Variants in WWTR1 observed in about 807,000 individuals in gnomAD.
WWTR1 encodes the protein WW domain containing transcription regulator 1.
In WWTR1, 13 loss-of-function variants were observed where a neutral mutation model predicts 40.1. The ratio of observed to expected loss-of-function variants is 0.32; its 90% confidence interval spans 0.21 to 0.52. The LOEUF is 0.52. Among genes scored for constraint, WWTR1 ranks in the 20% least tolerant of loss-of-function variants. The probability of loss-of-function intolerance (pLI) is 0.97; values close to 1 mark genes in which losing one functional copy is unlikely to be tolerated. For synonymous variants in WWTR1, 230 were observed against 210.1 expected, an observed-to-expected ratio of 1.09 and a Z score of -0.82; for missense variants, 436 against 523.1, an observed-to-expected ratio of 0.83 and a Z score of 1.63.
chr3:149,665,334 T>A (rs1713773404), intron 2 of WWTR1, among the ~76,000 whole-genome samples: 2 of 151,290 alleles, frequency 1.3e-5, no homozygotes, highest in Non-Finnish European at 2.9e-5. Context: ...CAAGCCATTC[T>A]CCTGCCTCAG....
chr3:149,613,296 C>A (rs1256709746), intron 2 of WWTR1, among the ~76,000 whole-genome samples: 2 of 152,092 alleles, frequency 1.3e-5, no homozygotes, highest in African/African-American at 4.8e-5. Context: ...GAACTATGGC[C>A]AATTATCCTC....
At chr3:149,654,566 G>A (rs1055207935) in intron 2 of WWTR1, among the ~76,000 whole-genome samples, 3 of 152,202 alleles carry the variant, frequency 2.0e-5, no homozygotes, top group African/African-American at 2.4e-5. Context: ...GATGGGCAGA[G>A]AGATCACAGC....
chr3:149,574,648 G>A (rs934041375), intron 2 of WWTR1, among the ~76,000 whole-genome samples: 2 of 152,062 alleles, frequency 1.3e-5, no homozygotes, highest in African/African-American at 2.4e-5. Context: ...TTTTCAGTCT[G>A]TCTCCTCATT....
At chr3:149,641,220 G>T (rs1454949832) in intron 2 of WWTR1, among the ~76,000 whole-genome samples, 2 of 152,148 alleles carry the variant, frequency 1.3e-5, no homozygotes, top group Admixed American at 6.5e-5. Flanking sequence ...TTCAGCTGAA[G>T]CAACTCTATG....
upstream of WWTR1, among the ~76,000 whole-genome samples, chr3:149,662,787 A>T (rs1188167380): frequency 6.6e-6 from 1 of 152,160 alleles, no homozygotes; most frequent in East Asian, 1.9e-4. Flanking sequence ...TAGCTTTCTG[A>T]CCCTGGTTCT....
intron 2 of WWTR1, among the ~76,000 whole-genome samples, chr3:149,618,715 G>C (rs1740121662): frequency 6.6e-6 from 1 of 152,210 alleles, no homozygotes; most frequent in Admixed American, 6.5e-5. Context: ...GCAGAGTCGA[G>C]ACTTGAACAC....
intron 2 of WWTR1, among the ~76,000 whole-genome samples, chr3:149,636,396 G>C (rs561198669): frequency 6.6e-6 from 1 of 152,294 alleles, no homozygotes; most frequent in Admixed American, 6.5e-5. Flanking sequence ...AGGCAAGGAG[G>C]GGGTAGTAAA....
chr3:149,572,646 G>A (rs928755976), intron 3 of WWTR1, among the ~76,000 whole-genome samples: 1 of 151,844 alleles, frequency 6.6e-6, no homozygotes, highest in South Asian at 2.1e-4. Context: ...TATGAGCCCC[G>A]CCACCCCTTG....
At chr3:149,628,166 C>A (rs1740665538) in intron 2 of WWTR1, among the ~76,000 whole-genome samples, 1 of 151,462 alleles carries the variant, frequency 6.6e-6, no homozygotes, top group South Asian at 2.1e-4. Flanking sequence ...GTCAGGCAAT[C>A]GAGACCATCT....
chr3:149,547,130 G>C (rs1224246933), intron 3 of WWTR1, among the ~76,000 whole-genome samples: 1 of 151,372 alleles, frequency 6.6e-6, no homozygotes, highest in African/African-American at 2.4e-5. Context: ...GTCCTCAGCA[G>C]AGCATGGGAA....
intron 1 of WWTR1, among the ~76,000 whole-genome samples, chr3:149,671,896 G>A (rs1714100073): frequency 6.6e-6 from 1 of 151,992 alleles, no homozygotes; most frequent in African/African-American, 2.4e-5. Flanking sequence ...ATAACAAATA[G>A]GTCCAGCATG....
chr3:149,660,870 A>G (rs1278495750), upstream of WWTR1, among the ~76,000 whole-genome samples: 1 of 152,238 alleles, frequency 6.6e-6, no homozygotes, highest in Non-Finnish European at 1.5e-5. Context: ...CCTAAGTCAC[A>G]GTTTACTCAT....
chr3:149,702,085 C>T (rs975376285), intron 1 of WWTR1: 1 of 163,968 alleles, frequency 6.1e-6, no homozygotes, highest in African/African-American at 2.4e-5. Flanking sequence ...AAAGACAGCC[C>T]AGGCAAGCAG....
upstream of WWTR1, among the ~76,000 whole-genome samples, chr3:149,707,431 T>C (rs1041468169): frequency 6.6e-6 from 1 of 152,182 alleles, no homozygotes; most frequent in African/African-American, 2.4e-5. Context: ...ATCTAACCAG[T>C]TTCTCCTCTG....
chr3:149,542,912 A>G (rs1736188231), intron 3 of WWTR1, among the ~76,000 whole-genome samples: 1 of 152,156 alleles, frequency 6.6e-6, no homozygotes, highest in South Asian at 2.1e-4. Context: ...GTGCATGTGT[A>G]TACTTTCTCA....
intron 2 of WWTR1, among the ~76,000 whole-genome samples, chr3:149,634,584 T>C (rs774399127): frequency 6.6e-6 from 1 of 152,124 alleles, no homozygotes; most frequent in Non-Finnish European, 1.5e-5. Context: ...AACAGAGCAA[T>C]GCCTATTCCC....
At chr3:149,585,699 T>C (rs539551898) in intron 2 of WWTR1, among the ~76,000 whole-genome samples, 8 of 152,264 alleles carry the variant, frequency 5.3e-5, no homozygotes, top group Non-Finnish European at 1.0e-4. Context: ...AGATTTTCTC[T>C]CCCATTTAAA....
intron 2 of WWTR1, among the ~76,000 whole-genome samples, chr3:149,584,561 A>T (rs1421479433): frequency 6.6e-6 from 1 of 152,214 alleles, no homozygotes; most frequent in African/African-American, 2.4e-5. Flanking sequence ...ACAAAAACTG[A>T]GGCATCGAAA....
intron 5 of WWTR1, among the ~76,000 whole-genome samples, chr3:149,710,665 C>T (rs1367232905): frequency 2.7e-5 from 4 of 146,204 alleles, no homozygotes; most frequent in East Asian, 4.1e-4. Flanking sequence ...CTACAACCTC[C>T]GCCTCCCAGG....
Sources: allele counts gnomAD v4.1 joint callset (sites outside exome capture counted in the v4.1 genomes callset), GRCh38; gene constraint gnomAD v4.1.1; transcripts MANE v1.5; gene names NCBI Gene and HGNC (gene_info 2026-07-23, HGNC 2026-07-21).